Variants in TMEM106A observed in about 807,000 individuals in gnomAD.
The protein encoded by TMEM106A is transmembrane protein 106A.
A neutral mutation model predicts 25.1 loss-of-function variants in TMEM106A; 22 were observed. The observed-to-expected ratio is 0.88, with a 90% CI of 0.63 to 1.25. TMEM106A has a LOEUF of 1.25. TMEM106A is among the 50% of genes most tolerant of loss of function. The pLI, the probability that TMEM106A is intolerant of heterozygous loss-of-function variation, is 0.00. For synonymous variants in TMEM106A, 104 were observed against 129.9 expected, an observed-to-expected ratio of 0.80 and a Z score of 1.35; for missense variants, 275 against 318.1, an observed-to-expected ratio of 0.86 and a Z score of 1.03.
rs2057502629 is a variant in TMEM106A at position 43,217,974 on chromosome 17, T to TAC, written c.*182_*183dup. ...GAAGCTTGCTTTGAAGTTAACTTCA[T>TAC]ACACACACACTCATATCCTCCAGTT... is the stretch of plus-strand genomic sequence containing the variant. On this transcript the variant is annotated 3_prime_UTR_variant, in exon 9 of 9. Transcript: ENST00000612339. 7.1e-6 allele frequency: 6 copies of TAC among 842,934 alleles called. No homozygotes were observed. Among genetic ancestry groups the TAC allele is most frequent in the African/African-American group, 1.7e-5 (1 of 58,856 alleles). The allele number at this position is 842,934 out of a possible 1,614,324, so 52.2% of individuals were successfully genotyped here. A position where few individuals can be genotyped will look rare whatever the true frequency, so the allele number is the denominator to read the frequency against.
At chr17:43,213,519 A>G (rs2057456469) in intron 3 of TMEM106A, among the ~76,000 whole-genome samples, 1 of 152,228 alleles carries the variant, frequency 6.6e-6, no homozygotes, top group Non-Finnish European at 1.5e-5. Flanking sequence ...TGTGTGTCCT[A>G]GGATTCATTC....
chr17:43,216,538 G>A lies in TMEM106A; in HGVS notation c.519G>A (p.Gly173=). The A allele has an allele frequency of 6.2e-7, 1 of 1,614,230 alleles. No individual in the cohort carries two copies. Among genetic ancestry groups the A allele is most frequent in the Non-Finnish European group, 8.5e-7 (1 of 1,180,046 alleles). Residue 173 remains glycine, a synonymous_variant, in exon 6 of 9, where the codon GGG becomes GGA. Transcript: ENST00000612339. ...TTCTGCACCTGTCCCTCGTGGTGGG[G>A]CAGGTTTCCAACAACCTTCTCCTAC... The part of the protein sequence containing the change: ...LEVLHLSLVV[G]QVSNNLLLHI...
chr17:43,212,545 G>T (rs1226460508), intron 2 of TMEM106A, among the ~76,000 whole-genome samples, 151 bp downstream of exon 2: 1 of 152,068 alleles, frequency 6.6e-6, no homozygotes, highest in African/African-American at 2.4e-5. Context: ...TTCTTACCCC[G>T]CCTCAGAAAG....
chr17:43,213,747 G>A, intron 3 of TMEM106A, 81 bp from the exon 4 acceptor site: 1 of 1,371,058 alleles, frequency 7.3e-7, no homozygotes, highest in Non-Finnish European at 1.0e-6. Flanking sequence ...TGTGGGTGGA[G>A]GCGTGCTTCT....
intron 5 of TMEM106A, 41 bp downstream of exon 5, chr17:43,215,982 A>G (rs955805555): frequency 1.2e-6 from 2 of 1,611,772 alleles, no homozygotes; most frequent in African/African-American, 1.3e-5. Context: ...CTTCCTAGCA[A>G]TACTTCGCTG....
chr17:43,212,926 G>A, intron 2 of TMEM106A, 95 bp from the exon 3 acceptor site: 3 of 900,816 alleles, frequency 3.3e-6, no homozygotes, highest in Non-Finnish European at 5.2e-6. Context: ...AAACTGTGGT[G>A]AAGCTCCTTG....
At chr17:43,217,656 GCAA>G in intron 8 of TMEM106A, 22 bp from the exon 9 acceptor site, 1 of 1,613,722 alleles carries the variant, frequency 6.2e-7, no homozygotes, top group Non-Finnish European at 8.5e-7. Flanking sequence ...CCCAGCCATG[GCAA>G]CAAGGCCTGC....
chr17:43,217,870 C>T lies in TMEM106A; in HGVS notation c.*69C>T. The T allele has an allele frequency of 1.2e-6, 2 of 1,603,240 alleles. No homozygotes were observed. Among genetic ancestry groups the T allele is most frequent in the South Asian group, 1.1e-5 (1 of 89,110 alleles). On this transcript the variant is annotated 3_prime_UTR_variant, in exon 9 of 9. Transcript: ENST00000612339. Reference sequence around the variant, plus strand: ...TATATCTCCCACAACTCCCTGGTGACTAAGGAAGGACTACAGAGGCTTTGC... The same window carrying T: ...TATATCTCCCACAACTCCCTGGTGATTAAGGAAGGACTACAGAGGCTTTGC...
rs1051041825 is a variant in TMEM106A at position 43,219,525 on chromosome 17, G to C, written c.*1724G>C. 1 of 151,460 alleles carries C rather than the reference G, an allele frequency of 6.6e-6. No homozygotes were observed. The highest frequency in any genetic ancestry group is 2.4e-5 in the African/African-American group (1 of 41,156). The allele number at this position is 151,460 out of a possible 1,614,324, so 9.4% of individuals were successfully genotyped here. ...GAGGTGAGAGGATCTCTAGAGCCCA[G>C]GAATTCAAGTTTAACATGAGCAGCA... On this transcript the variant is annotated 3_prime_UTR_variant, in exon 9 of 9. Transcript: ENST00000612339.
At chr17:43,213,394 G>A in intron 3 of TMEM106A, 142 bp downstream of exon 3, 2 of 862,538 alleles carry the variant, frequency 2.3e-6, no homozygotes, top group Non-Finnish European at 3.6e-6. Flanking sequence ...GGCTGGCCAG[G>A]GAGATACTTA....
intron 7 of TMEM106A, 87 bp from the exon 8 acceptor site, chr17:43,217,172 A>G: frequency 7.3e-7 from 1 of 1,375,538 alleles, no homozygotes; most frequent in South Asian, 1.2e-5. Context: ...CTGTGGGGTA[A>G]GGAAACTGGG....
In TMEM106A at chr17:43,215,654, G is replaced by A. The variant is rs537245543; in HGVS notation, c.276-134G>A. ...TCCTACTCATTCCGGGCCACATCTGGGGAGCTAAATGTTGTTGGGGTAGTG... is the reference window on the plus strand; with the variant it reads ...TCCTACTCATTCCGGGCCACATCTGAGGAGCTAAATGTTGTTGGGGTAGTG... On this transcript the variant is annotated intron_variant, in intron 4 of 8. Coordinates refer to ENST00000612339, the MANE Select transcript of TMEM106A (RefSeq NM_145041.4). 7 of 933,460 alleles carry A rather than the reference G, an allele frequency of 7.5e-6. No homozygotes were observed. The African/African-American group carries it at 9.9e-5, about 13-fold the overall frequency. 57.8% of individuals were successfully genotyped at this position (933,460 alleles called of 1,614,324 possible).
chr17:43,214,533 A>C (rs2154582579), intron 4 of TMEM106A, among the ~76,000 whole-genome samples: 1 of 152,362 alleles, frequency 6.6e-6, no homozygotes, highest in Non-Finnish European at 1.5e-5. Flanking sequence ...AACCTCAGGC[A>C]GACCTGGGGC....
chr17:43,215,690 A>C lies in TMEM106A; in HGVS notation c.276-98A>C, dbSNP rs367579257. 35 of 1,343,538 alleles carry C rather than the reference A, an allele frequency of 2.6e-5. 1 individual carries two copies. In the South Asian group the frequency reaches 4.0e-4, roughly 15 times the overall value. The allele number at this position is 1,343,538 out of a possible 1,614,324, so 83.2% of individuals were successfully genotyped here. A position where few individuals can be genotyped will look rare whatever the true frequency, so the allele number is the denominator to read the frequency against. ...GTTGTTGGGGTAGTGTGCAGGGGAA[A>C]GCTTTGTATATGGAGAGGAGTGTCT... is the stretch of plus-strand genomic sequence containing the variant. On this transcript the variant is annotated intron_variant, in intron 4 of 8. Coordinates refer to ENST00000612339, the MANE Select transcript of TMEM106A (RefSeq NM_145041.4).
rs751877962 is a variant in TMEM106A, at chr17:43,217,763, G to A, written c.751G>A (p.Ala251Thr). Residue 251 changes from alanine (A) to threonine (T), a missense_variant, in exon 9 of 9, where the codon GCA (alanine) becomes ACA (threonine). Transcript: ENST00000612339. ...SYEYVDCRGN[A>T]SVPHQLTPHP... is the part of the protein sequence containing the mutation. The stretch of plus-strand genomic sequence containing the variant: ...TGAATATGTGGACTGCCGAGGAAAC[G>A]CATCTGTGCCCCACCAGCTGACCCC... 56 of 1,614,148 alleles carry A rather than the reference G, an allele frequency of 3.5e-5. No homozygotes were observed. Among genetic ancestry groups the A allele is most frequent in the African/African-American group, 1.2e-4 (9 of 75,030 alleles).
chr17:43,217,411 A>G (rs2057496940), intron 8 of TMEM106A, 99 bp downstream of exon 8: 6 of 1,465,592 alleles, frequency 4.1e-6, no homozygotes, highest in Non-Finnish European at 5.7e-6. Flanking sequence ...AGCTGACCCC[A>G]TGAATCTTTG....
rs759743189 is a variant in TMEM106A, at chr17:43,215,965, A to T, written c.429+24A>T. The T allele has an allele frequency of 8.1e-6, 13 of 1,613,340 alleles. No individual in the cohort carries two copies. In the South Asian group the frequency reaches 1.4e-4, roughly 18 times the overall value. ...CGGTGGGTGGGTGCCCTTGGCTCCAAACCCCCCTTCCTAGCAATACTTCGC... is the reference window on the plus strand; with the variant it reads ...CGGTGGGTGGGTGCCCTTGGCTCCATACCCCCCTTCCTAGCAATACTTCGC... On this transcript the variant is annotated intron_variant, in intron 5 of 8. Transcript: ENST00000612339.
rs2057521338 is a variant in TMEM106A, at chr17:43,219,761, CTCTT to C, written c.*1962_*1965del. On this transcript the variant is annotated 3_prime_UTR_variant, in exon 9 of 9. Transcript: ENST00000612339. Reference sequence around the variant, plus strand: ...AAAAAAAAAAAAAAAAGATGGCTGTCTCTTTATCATTCAGACAGAACGATGAACA... The same window carrying C: ...AAAAAAAAAAAAAAAAGATGGCTGTCTATCATTCAGACAGAACGATGAACA... 1.3e-5 allele frequency: 2 copies of C among 148,450 alleles called. No homozygotes were observed. The highest frequency in any genetic ancestry group is 3.0e-5 in the Non-Finnish European group (2 of 67,306). The allele number at this position is 148,450 out of a possible 1,614,324, so 9.2% of individuals were successfully genotyped here. A position where few individuals can be genotyped will look rare whatever the true frequency, so the allele number is the denominator to read the frequency against.
At position 43,215,935 on chromosome 17, in the gene TMEM106A, C is replaced by G; in HGVS notation, c.423C>G (p.Asn141Lys). Residue 141 changes from asparagine (N) to lysine (K), a missense_variant, in exon 5 of 9, where the codon AAC (asparagine) becomes AAG (lysine). Physicochemically the swap from Asn to Lys is moderately conservative, Grantham distance 94 (BLOSUM62 0). Coordinates refer to ENST00000612339, the MANE Select transcript of TMEM106A (RefSeq NM_145041.4). ...VAFDEADIYL[N>K]ITNILNISNG... Reference sequence around the variant, plus strand: ...TTGATGAGGCTGATATCTACCTCAACATAACGGTGGGTGGGTGCCCTTGGC... The same window carrying G: ...TTGATGAGGCTGATATCTACCTCAAGATAACGGTGGGTGGGTGCCCTTGGC... The G allele has an allele frequency of 6.2e-7, 1 of 1,614,110 alleles. No homozygotes were observed. Among genetic ancestry groups the G allele is most frequent in the Non-Finnish European group, 8.5e-7 (1 of 1,180,018 alleles).
Sources: gnomAD v4.1 joint callset for allele counts (sites outside exome capture counted in the v4.1 genomes callset) on GRCh38, gnomAD v4.1.1 for gene constraint, MANE v1.5 for transcripts, NCBI Gene and HGNC (gene_info 2026-07-23, HGNC 2026-07-21) for gene names.